Variants in GPC3 observed in about 807,000 individuals in gnomAD.
GPC3 encodes the protein glypican-3.
A neutral mutation model predicts 34.4 loss-of-function variants in GPC3; 3 were observed. The observed-to-expected ratio is 0.09, with a 90% CI of 0.04 to 0.23. The LOEUF (loss-of-function observed/expected upper bound fraction) is 0.23. GPC3 is among the 10% of genes least tolerant of loss of function. GPC3 has a pLI of 1.00. For missense variants in GPC3, 351 were observed against 445.6 expected, an observed-to-expected ratio of 0.79 and a Z score of 1.91; for synonymous variants, 177 against 174.0, an observed-to-expected ratio of 1.02 and a Z score of -0.13.
At chrX:133,912,511 GTT>G (rs34078487) in intron 2 of GPC3, among the ~76,000 whole-genome samples, 18 of 96,490 alleles carry the variant, frequency 1.9e-4, no homozygotes, top group East Asian at 3.2e-4. Flanking sequence ...AAGGAATTGG[GTT>G]TTTTTTTTTT....
rs989516322 is a variant in GPC3, at chrX:133,949,312, G to C, written c.337+3738C>G. 3.6e-5 allele frequency among the ~76,000 whole-genome samples: 4 copies of C among 112,039 alleles called. No individual in the cohort carries two copies. In the East Asian group the frequency reaches 1.1e-3, roughly 31 times the overall value. The stretch of plus-strand genomic sequence containing the variant: ...ATTGTGAACATCACTTGGACCTAAC[G>C]TAATACAGGAGCCACTGTGGCCTGT... On this transcript the variant is annotated intron_variant, in intron 2 of 7. Transcript: ENST00000370818.
intron 3 of GPC3, among the ~76,000 whole-genome samples, chrX:133,710,033 G>T (rs750007934): frequency 8.9e-6 from 1 of 111,757 alleles, no homozygotes; most frequent in South Asian, 3.8e-4. Flanking sequence ...CAGACATTTT[G>T]CTGTGACTCA....
At chrX:133,893,068 C>A (rs772350921) in intron 2 of GPC3, among the ~76,000 whole-genome samples, 2 of 110,993 alleles carry the variant, frequency 1.8e-5, no homozygotes, top group South Asian at 7.8e-4. Context: ...CCAGCCTGGC[C>A]AACATGGTGA....
intron 2 of GPC3, among the ~76,000 whole-genome samples, chrX:133,936,886 A>T: frequency 8.9e-6 from 1 of 111,916 alleles, no homozygotes; most frequent in Non-Finnish European, 1.9e-5. Flanking sequence ...CACTTGCAAA[A>T]GTCAAACGCC....
intron 6 of GPC3, among the ~76,000 whole-genome samples, chrX:133,634,289 A>C (rs1294594930): frequency 1.8e-5 from 2 of 112,287 alleles, no homozygotes; most frequent in African/African-American, 6.5e-5. Flanking sequence ...AAAGTTAAAC[A>C]TATATTTATT....
chrX:133,851,964 C>T (rs912982318), intron 2 of GPC3, among the ~76,000 whole-genome samples: 1 of 111,821 alleles, frequency 8.9e-6, no homozygotes, highest in Non-Finnish European at 1.9e-5. Flanking sequence ...ACACAAAATA[C>T]CTGCATTTAG....
rs781547865 is a variant in GPC3 at position 133,690,088 on chromosome X, A to G, written c.1292+2281T>C. ...TATACATTATTTCTCCAGTGCATGGAGCCATTAATCCTTCCAGGCTGATTT... is the reference window on the plus strand; with the variant it reads ...TATACATTATTTCTCCAGTGCATGGGGCCATTAATCCTTCCAGGCTGATTT... On this transcript the variant is annotated intron_variant, in intron 5 of 7. Transcript: ENST00000370818. 1.1e-4 allele frequency among the ~76,000 whole-genome samples: 12 copies of G among 111,769 alleles called. 1 individual carries two copies. The South Asian group carries it at 4.5e-3, about 42-fold the overall frequency.
chrX:133,859,385 C>A (rs2075924557), intron 2 of GPC3, among the ~76,000 whole-genome samples: 1 of 111,150 alleles, frequency 9.0e-6, no homozygotes, highest in African/African-American at 3.3e-5. Flanking sequence ...GAAGCAATTC[C>A]AGACTAAAAT....
At chrX:133,862,559 G>A (rs1200452303) in intron 2 of GPC3, among the ~76,000 whole-genome samples, 1 of 108,951 alleles carries the variant, frequency 9.2e-6, no homozygotes, top group East Asian at 2.9e-4. Context: ...GCGTGGTGAT[G>A]GGCACCTGTA....
chrX:133,777,538 T>C (rs1168368723), intron 2 of GPC3, among the ~76,000 whole-genome samples: 2 of 111,878 alleles, frequency 1.8e-5, no homozygotes, highest in Non-Finnish European at 3.8e-5. Context: ...ACTATTAATA[T>C]ACATTTCCTC....
intron 7 of GPC3, among the ~76,000 whole-genome samples, chrX:133,570,894 C>CA (rs946361037): frequency 1.9e-4 from 21 of 108,827 alleles, no homozygotes; most frequent in African/African-American, 5.3e-4. Context: ...TATAAGCACT[C>CA]AAAAAAAAAT....
chrX:133,830,416 C>T (rs978578045), intron 2 of GPC3, among the ~76,000 whole-genome samples: 4 of 111,605 alleles, frequency 3.6e-5, no homozygotes, highest in East Asian at 2.8e-4. Flanking sequence ...TGGTGGCTCA[C>T]GCCTGTAATC....
chrX:133,879,095 T>C (rs1224985904), intron 2 of GPC3, among the ~76,000 whole-genome samples: 1 of 111,248 alleles, frequency 9.0e-6, no homozygotes, highest in Non-Finnish European at 1.9e-5. Context: ...TGTGGCTTTG[T>C]TGGACTACAT....
chrX:133,891,040 T>A (rs759143300), intron 2 of GPC3, among the ~76,000 whole-genome samples: 1 of 107,790 alleles, frequency 9.3e-6, no homozygotes, highest in African/African-American at 3.4e-5. Flanking sequence ...TAAAAAAAAA[T>A]AAAGAAAAAT....
intron 5 of GPC3, among the ~76,000 whole-genome samples, chrX:133,681,768 G>A (rs1444722598): frequency 8.9e-6 from 1 of 112,134 alleles, no homozygotes; most frequent in East Asian, 2.8e-4. Flanking sequence ...AGTCCCAAGA[G>A]TCCACTTTCA....
chrX:133,656,308 C>T (rs1431789672), intron 6 of GPC3, among the ~76,000 whole-genome samples: 1 of 112,332 alleles, frequency 8.9e-6, no homozygotes, highest in Non-Finnish European at 1.9e-5. Flanking sequence ...GTATTCTGCA[C>T]ATCTTTTCTA....
At position 133,753,890 on chromosome X, in the gene GPC3, A is replaced by T. The variant is rs140848049; in HGVS notation, c.624T>A (p.Phe208Leu). ...LRGARRDLKV[F>L]GNFPKLIMTQ... The stretch of plus-strand genomic sequence containing the variant: ...TCATAATAAGCTTGGGGAAATTCCC[A>T]AATACTTTCAGGTCACGTCTTGCTC... Residue 208 changes from phenylalanine to leucine, a missense_variant, in exon 3 of 8, where the codon TTT becomes TTA. Physicochemically the swap from Phe to Leu is conservative, Grantham distance 22 (BLOSUM62 0). Coordinates refer to ENST00000370818, the MANE Select transcript of GPC3 (RefSeq NM_004484.4). The T allele has an allele frequency of 1.7e-6, 2 of 1,211,858 alleles. No homozygotes were observed. Among genetic ancestry groups the T allele is most frequent in the African/African-American group, 3.5e-5 (2 of 57,806 alleles).
chrX:133,690,972 C>T (rs1030614223), intron 5 of GPC3, among the ~76,000 whole-genome samples: 14 of 111,627 alleles, frequency 1.3e-4, no homozygotes, highest in African/African-American at 3.3e-4. Context: ...ATTTTTTAAT[C>T]GCAAGCTATT....
intron 2 of GPC3, among the ~76,000 whole-genome samples, chrX:133,841,857 G>T (rs2075825875): frequency 8.9e-6 from 1 of 111,971 alleles, no homozygotes; most frequent in Non-Finnish European, 1.9e-5. Context: ...TGAAAAGAGA[G>T]ATGGGCCTGG....
Sources: allele counts gnomAD v4.1 joint callset (sites outside exome capture counted in the v4.1 genomes callset), GRCh38; gene constraint gnomAD v4.1.1; transcripts MANE v1.5; gene names NCBI Gene and HGNC (gene_info 2026-07-23, HGNC 2026-07-21).